The following TSGA13 variants were observed in gnomAD, a reference collection of about 807,000 sequenced individuals.
TSGA13 encodes the protein testis-specific gene 13 protein.
A neutral mutation model predicts 35.1 loss-of-function variants in TSGA13; 37 were observed. The ratio of observed to expected loss-of-function variants is 1.05; its 90% CI spans 0.81 to 1.39. The LOEUF is 1.39. Ranked by LOEUF, TSGA13 falls within the 40% of genes most tolerant of loss-of-function variation. TSGA13 has a pLI of 0.00. For synonymous variants in TSGA13, 124 were observed against 121.2 expected, an observed-to-expected ratio of 1.02 and a Z score of -0.15; for missense variants, 338 against 328.5, an observed-to-expected ratio of 1.03 and a Z score of -0.22.
chr7:130,675,604 C>T (rs757461481), intron 5 of TSGA13, among the ~76,000 whole-genome samples: 1 of 152,208 alleles, frequency 6.6e-6, no homozygotes, highest in Non-Finnish European at 1.5e-5. Context: ...AGGATGGTCT[C>T]AATCTCCTGA....
rs369436613 is a variant in TSGA13 at position 130,685,826 on chromosome 7, T to C, written c.-151+436A>G. On this transcript the variant is annotated intron_variant, in intron 1 of 7. Transcript: ENST00000356588. ...GGGAGGATTGCTATACTTTTTGATA[T>C]AGACAATTAGAAATGGAAGATACAA... is the stretch of plus-strand genomic sequence containing the variant. 5.9e-5 allele frequency among the ~76,000 whole-genome samples: 9 copies of C among 152,282 alleles called. No homozygotes were observed. The East Asian group carries it at 1.7e-3, about 29-fold the overall frequency.
At chr7:130,679,120 G>T in intron 5 of TSGA13, 35 bp downstream of exon 5, 2 of 1,532,018 alleles carry the variant, frequency 1.3e-6, no homozygotes, top group Non-Finnish European at 1.8e-6. Flanking sequence ...ATTCGTCAGG[G>T]TTCACATTTT....
At chr7:130,675,241 GTA>G (rs1172616663) in intron 5 of TSGA13, among the ~76,000 whole-genome samples, 1 of 149,468 alleles carries the variant, frequency 6.7e-6, no homozygotes, top group South Asian at 2.1e-4. Context: ...ATATATATAT[GTA>G]TATATATATG....
At chr7:130,673,662 A>T (rs1305434460) in intron 5 of TSGA13, among the ~76,000 whole-genome samples, 1 of 152,136 alleles carries the variant, frequency 6.6e-6, no homozygotes, top group Admixed American at 6.5e-5. Context: ...ATGACATGGC[A>T]TTGGGTTCCT....
chr7:130,670,011 G>A (rs923228998), intron 7 of TSGA13, among the ~76,000 whole-genome samples: 1 of 152,304 alleles, frequency 6.6e-6, no homozygotes, highest in Admixed American at 6.5e-5. Context: ...GGTGGGTAAT[G>A]CCCCGGAGAC....
chr7:130,669,587 T>G (rs952330898), intron 7 of TSGA13, among the ~76,000 whole-genome samples: 7 of 152,260 alleles, frequency 4.6e-5, no homozygotes, highest in African/African-American at 1.7e-4. Flanking sequence ...TTGGCTTCAC[T>G]GGCATAACTT....
chr7:130,676,071 A>G (rs150262941), intron 5 of TSGA13, among the ~76,000 whole-genome samples: 9 of 152,328 alleles, frequency 5.9e-5, no homozygotes, highest in African/African-American at 2.2e-4. Flanking sequence ...TAATAGATAT[A>G]TCTAGTACAT....
chr7:130,679,380 A>G lies in TSGA13; in HGVS notation c.175-13T>C, dbSNP rs949082406. 5.6e-6 allele frequency: 9 copies of G among 1,594,658 alleles called. No homozygotes were observed. Among genetic ancestry groups the G allele is most frequent in the Non-Finnish European group, 7.7e-6 (9 of 1,169,764 alleles). On this transcript the variant is annotated splice_polypyrimidine_tract_variant and intron_variant, in intron 4 of 7. Transcript: ENST00000356588. ...TATAGTACTGGGCCTGAACAGACAG[A>G]AAGGTTTCCAGAGAGAAAAAGAGAT...
chr7:130,674,175 T>TC (rs1563078813), intron 5 of TSGA13, among the ~76,000 whole-genome samples: 1 of 133,056 alleles, frequency 7.5e-6, no homozygotes, highest in Non-Finnish European at 1.7e-5. Flanking sequence ...TTTTCTTTTT[T>TC]TTTTTTTTTT....
At chr7:130,680,234 C>T (rs559670747) in intron 4 of TSGA13, among the ~76,000 whole-genome samples, 4 of 152,302 alleles carry the variant, frequency 2.6e-5, no homozygotes, top group East Asian at 1.9e-4. Flanking sequence ...AGGCCAGGTG[C>T]GGTGGCTCAC....
At chr7:130,676,793 T>C (rs1338418569) in intron 5 of TSGA13, among the ~76,000 whole-genome samples, 1 of 152,222 alleles carries the variant, frequency 6.6e-6, no homozygotes, top group East Asian at 1.9e-4. Context: ...AAATTTCTAC[T>C]AGAATCCTTT....
intron 5 of TSGA13, among the ~76,000 whole-genome samples, chr7:130,675,840 T>C (rs932187854): frequency 6.6e-6 from 1 of 152,240 alleles, no homozygotes; most frequent in Non-Finnish European, 1.5e-5. Flanking sequence ...TTTTGATTTG[T>C]TTTTTGTTTG....
In TSGA13 at chr7:130,679,263, A is replaced by G. The variant is rs1554464675; in HGVS notation, c.279T>C (p.Asp93=). ...TGTTGGTCATAATCAGTAACGTCTT[A>G]TCCTGGTCATACTGTGTTACTTTTA... The part of the protein sequence containing the change: ...FMLKVTQYDQ[D]KTLLIMTNNP... The change falls in exon 5 of 8, where the codon GAT becomes GAC. Residue 93 remains aspartate, a synonymous_variant. Transcript: ENST00000356588. 6.2e-7 allele frequency: 1 copy of G among 1,614,088 alleles called. No individual in the cohort carries two copies. Among genetic ancestry groups the G allele is most frequent in the East Asian group, 2.2e-5 (1 of 44,898 alleles).
Position 130,668,692 on chromosome 7 carries a change from G to C in TSGA13, c.*322C>G, listed in dbSNP as rs565828995. On this transcript the variant is annotated 3_prime_UTR_variant, in exon 8 of 8. Transcript: ENST00000356588. ...ATCTTGGACGACTTCCCAGCGCCCA[G>C]ACCCACCGCAACCGTCCCAGGCGCC... 1 of 1,525,790 alleles carries C rather than the reference G, an allele frequency of 6.6e-7. No individual in the cohort carries two copies. The highest frequency in any genetic ancestry group is 8.8e-7 in the Non-Finnish European group (1 of 1,137,582). The allele number at this position is 1,525,790 out of a possible 1,614,324, so 94.5% of individuals were successfully genotyped here.
intron 5 of TSGA13, among the ~76,000 whole-genome samples, chr7:130,677,106 A>G (rs1796430809): frequency 1.3e-5 from 2 of 152,056 alleles, no homozygotes; most frequent in African/African-American, 4.8e-5. Context: ...GTTAGCCAGG[A>G]TGGTCTCAAT....
intron 3 of TSGA13, among the ~76,000 whole-genome samples, chr7:130,682,275 G>A (rs892509900): frequency 6.6e-5 from 10 of 151,866 alleles, no homozygotes; most frequent in Admixed American, 2.0e-4. Context: ...TCCCACCACC[G>A]CACCTGGCTA....
intron 4 of TSGA13, 116 bp downstream of exon 4, chr7:130,680,830 C>G: frequency 1.1e-6 from 1 of 935,778 alleles, no homozygotes; most frequent in Non-Finnish European, 1.7e-6. Context: ...CCTAAGAGTA[C>G]GCACAGTCAC....
chr7:130,676,641 T>C (rs1255932948), intron 5 of TSGA13, among the ~76,000 whole-genome samples: 1 of 152,230 alleles, frequency 6.6e-6, no homozygotes, highest in Non-Finnish European at 1.5e-5. Flanking sequence ...TGTTAGTACA[T>C]GCCATTGGAT....
Position 130,672,654 on chromosome 7 carries a change from A to G in TSGA13, c.530+80T>C, listed in dbSNP as rs1796305405. ...TGTACGACCAAAGAATATGTCATTA[A>G]ATTGTATGGCAAAGAACCAGAAACG... On this transcript the variant is annotated intron_variant, in intron 6 of 7. Transcript: ENST00000356588. 1.9e-6 allele frequency: 3 copies of G among 1,550,602 alleles called. No individual in the cohort carries two copies. The South Asian group carries it at 3.7e-5, about 19-fold the overall frequency.
Sources: allele counts gnomAD v4.1 joint callset (sites outside exome capture counted in the v4.1 genomes callset), GRCh38; gene constraint gnomAD v4.1.1; transcripts MANE v1.5; gene names NCBI Gene and HGNC (gene_info 2026-07-23, HGNC 2026-07-21).